The following RNF212B variants were observed in gnomAD, a reference collection of about 807,000 sequenced individuals.
RNF212B encodes E3 ubiquitin-protein ligase RNF212B.
In RNF212B, 52 loss-of-function variants were observed where a neutral mutation model predicts 55.5. That is an observed-to-expected ratio of 0.94 (90% CI 0.75 to 1.18). The LOEUF is 1.18. Ranked by LOEUF, RNF212B falls within the 50% of genes most tolerant of loss-of-function variation. The probability of loss-of-function intolerance (pLI) is 0.00; values close to 1 mark genes in which losing one functional copy is unlikely to be tolerated. For missense variants in RNF212B, 289 were observed against 350.4 expected (o/e 0.82, Z 1.40); for synonymous variants, 99 against 121.4 (o/e 0.82, Z 1.21).
intron 5 of RNF212B, 183 bp from the exon 6 acceptor site, chr14:23,259,701 T>C (rs1885157724): frequency 2.4e-6 from 1 of 408,778 alleles, no homozygotes; most frequent in South Asian, 6.3e-5. Flanking sequence ...TCCACCTAAT[T>C]GTTCTCATTA....
intron 2 of RNF212B, among the ~76,000 whole-genome samples, chr14:23,227,715 T>G (rs1345687932): frequency 1.3e-5 from 2 of 152,016 alleles, no homozygotes; most frequent in African/African-American, 4.8e-5. Flanking sequence ...TTCTCCCACC[T>G]CAACCTCCTT....
intron 2 of RNF212B, among the ~76,000 whole-genome samples, chr14:23,209,052 C>A (rs1357288874): frequency 1.3e-5 from 2 of 152,290 alleles, no homozygotes; most frequent in East Asian, 3.9e-4. Flanking sequence ...GCCACCGTGC[C>A]CGGCCTGGTT....
At chr14:23,264,591 T>A in intron 10 of RNF212B, 32 bp from the exon 11 acceptor site, 2 of 1,299,184 alleles carry the variant, frequency 1.5e-6, no homozygotes, top group Non-Finnish European at 2.0e-6. Flanking sequence ...TGAGATATAT[T>A]TATTAATTGA....
intron 2 of RNF212B, among the ~76,000 whole-genome samples, chr14:23,213,483 C>T (rs7149081): frequency 0.046 from 6,970 of 152,174 alleles, 568 homozygotes; most frequent in African/African-American, 0.16. Context: ...CACCAGGAGT[C>T]ATGAGGCGGA....
upstream of RNF212B, among the ~76,000 whole-genome samples, chr14:23,233,641 C>A (rs1162670579): frequency 6.8e-6 from 1 of 146,196 alleles, no homozygotes; most frequent in Non-Finnish European, 1.5e-5. Flanking sequence ...ACTCGGGAGG[C>A]TGAGTTAGGG....
At chr14:23,196,833 T>C (rs10459510) in intron 2 of RNF212B, among the ~76,000 whole-genome samples, 147,759 of 152,292 alleles carry the variant, frequency 0.97, 71,827 homozygotes, top group East Asian at 1. Context: ...TCCTTCTGAT[T>C]TAGCACAATT....
intron 4 of RNF212B, among the ~76,000 whole-genome samples, chr14:23,250,811 G>T (rs1884350728): frequency 6.6e-6 from 1 of 152,168 alleles, no homozygotes; most frequent in Admixed American, 6.5e-5. Context: ...ATGAACATTG[G>T]TTCGATCGGG....
chr14:23,271,185 T>A (rs1219362724), intron 14 of RNF212B, among the ~76,000 whole-genome samples: 2 of 152,076 alleles, frequency 1.3e-5, no homozygotes, highest in Non-Finnish European at 1.5e-5. Context: ...ATGCCAGTAA[T>A]CCCAGCACTT....
intron 2 of RNF212B, among the ~76,000 whole-genome samples, chr14:23,205,497 C>A (rs954545187): frequency 6.6e-6 from 1 of 152,042 alleles, no homozygotes; most frequent in Non-Finnish European, 1.5e-5. Context: ...AGATTATTTA[C>A]GAAAACTGTG....
chr14:23,258,440 G>T, intron 4 of RNF212B, 109 bp from the exon 5 acceptor site: 1 of 445,948 alleles, frequency 2.2e-6, no homozygotes, highest in Non-Finnish European at 4.0e-6. Context: ...TGTTCTAGAA[G>T]AAAATGAGCA....
intron 1 of RNF212B, among the ~76,000 whole-genome samples, chr14:23,189,680 ATGCC>A (rs1220229500): frequency 6.6e-6 from 1 of 152,032 alleles, no homozygotes; most frequent in Non-Finnish European, 1.5e-5. Flanking sequence ...GTGGTGGTGC[ATGCC>A]TGTAGCACCA....
intron 2 of RNF212B, among the ~76,000 whole-genome samples, chr14:23,218,429 T>C (rs1193270085): frequency 1.3e-5 from 2 of 150,880 alleles, no homozygotes; most frequent in African/African-American, 2.4e-5. Flanking sequence ...CTCTTAAAAG[T>C]AATCTCTTAA....
chr14:23,253,562 T>C (rs72684372), intron 4 of RNF212B, among the ~76,000 whole-genome samples: 25,703 of 152,138 alleles, frequency 0.17, 2,510 homozygotes, highest in South Asian at 0.25. Context: ...CACTTTATTC[T>C]AGTGTTGTAT....
At chr14:23,269,404 A>G (rs1885917635) in intron 12 of RNF212B, among the ~76,000 whole-genome samples, 1 of 152,204 alleles carries the variant, frequency 6.6e-6, no homozygotes. Context: ...AGCAAAAAAG[A>G]AAGCTGGATA....
At chr14:23,269,161 G>A (rs1199588063) in intron 12 of RNF212B, among the ~76,000 whole-genome samples, 198 bp downstream of exon 12, 5 of 152,104 alleles carry the variant, frequency 3.3e-5, no homozygotes, top group South Asian at 2.1e-4. Context: ...AAAATTAGCC[G>A]GGAGCGGTGT....
chr14:23,214,910 A>G (rs370064324), intron 2 of RNF212B, among the ~76,000 whole-genome samples: 18 of 152,352 alleles, frequency 1.2e-4, no homozygotes, highest in African/African-American at 3.6e-4. Flanking sequence ...AAATAAATCC[A>G]TGCCAAGACA....
At chr14:23,198,097 T>A (rs1177402808) in intron 2 of RNF212B, among the ~76,000 whole-genome samples, 1 of 152,240 alleles carries the variant, frequency 6.6e-6, no homozygotes, top group Non-Finnish European at 1.5e-5. Context: ...TCAGGCCATC[T>A]GGATGTGTAC....
At chr14:23,191,055 A>T (rs746799634) in intron 1 of RNF212B, among the ~76,000 whole-genome samples, 1 of 152,148 alleles carries the variant, frequency 6.6e-6, no homozygotes, top group African/African-American at 2.4e-5. Context: ...TGACCACCCA[A>T]TAGAAAGTCC....
At chr14:23,232,767 C>T in intron 2 of RNF212B, among the ~76,000 whole-genome samples, 1 of 145,688 alleles carries the variant, frequency 6.9e-6, no homozygotes, top group Admixed American at 6.7e-5. Context: ...GGCCAGCCGC[C>T]CCGTCTGGGA....
Sources: gnomAD v4.1 joint callset for allele counts (sites outside exome capture counted in the v4.1 genomes callset) on GRCh38, gnomAD v4.1.1 for gene constraint, MANE v1.5 for transcripts, NCBI Gene and HGNC (gene_info 2026-07-23, HGNC 2026-07-21) for gene names.